Variants in TENM3 observed in about 807,000 individuals in gnomAD.
The protein encoded by TENM3 is teneurin-3.
A neutral mutation model predicts 255.1 loss-of-function variants in TENM3; 63 were observed. The ratio of observed to expected loss-of-function variants is 0.25; its 90% CI spans 0.20 to 0.30. TENM3 has a LOEUF of 0.30. Among genes scored for constraint, TENM3 ranks in the 10% least tolerant of loss-of-function variants. TENM3 has a pLI of 1.00. For synonymous variants in TENM3, 1,306 were observed against 1,322.3 expected (o/e 0.99, Z 0.27); for missense variants, 2,929 against 3,461.1 (o/e 0.85, Z 3.86).
intron 3 of TENM3, among the ~76,000 whole-genome samples, chr4:182,425,133 C>G (rs1248364355): frequency 6.6e-6 from 1 of 152,180 alleles, no homozygotes; most frequent in African/African-American, 2.4e-5. Context: ...TTCATTAACT[C>G]TTTACTTTTC....
intron 1 of TENM3, among the ~76,000 whole-genome samples, chr4:182,258,105 A>G (rs1458310471): frequency 6.6e-6 from 1 of 152,172 alleles, no homozygotes; most frequent in Non-Finnish European, 1.5e-5. Flanking sequence ...AGTGTAGAAA[A>G]TAAATACGTA....
intron 13 of TENM3, among the ~76,000 whole-genome samples, chr4:182,725,467 T>G (rs1760088250): frequency 6.6e-6 from 1 of 152,092 alleles, no homozygotes; most frequent in Non-Finnish European, 1.5e-5. Context: ...TTATATATCC[T>G]CATGAAAAAT....
Position 182,340,067 on chromosome 4 carries a change from C to A in TENM3, c.233-6584C>A, listed in dbSNP as rs897213316. Among the ~76,000 whole-genome samples the A allele has an allele frequency of 8.9e-4, 135 of 152,160 alleles. 11 individuals are homozygous for A. The highest frequency in any genetic ancestry group is 6.6e-5 in the Admixed American group (1 of 15,262). ...AACCTAATTTTTCTTATTTGGGCCA[C>A]CAAACCTTCCATTCAATATGCATAT... On this transcript the variant is annotated intron_variant, in intron 2 of 27. Coordinates refer to ENST00000511685, the MANE Select transcript of TENM3 (RefSeq NM_001080477.4).
chr4:182,532,783 A>G (rs1281361517), intron 3 of TENM3, among the ~76,000 whole-genome samples: 1 of 152,162 alleles, frequency 6.6e-6, no homozygotes, highest in Non-Finnish European at 1.5e-5. Context: ...CCCTTCCTAT[A>G]ATTGTCATTT....
chr4:182,464,197 A>C (rs1732353747), intron 3 of TENM3, among the ~76,000 whole-genome samples: 1 of 151,870 alleles, frequency 6.6e-6, no homozygotes, highest in African/African-American at 2.4e-5. Flanking sequence ...TGAACTATTC[A>C]GCTATGAGTC....
At chr4:182,129,986 A>C in the TENM3 span, among the ~76,000 whole-genome samples, 120 of 152,276 alleles carry the variant, frequency 7.9e-4, no homozygotes, top group African/African-American at 2.7e-3. Context: ...TTCTTACTGT[A>C]AAGTTTCTAA....
At chr4:182,592,980 A>C (rs1746824451) in intron 3 of TENM3, among the ~76,000 whole-genome samples, 1 of 152,214 alleles carries the variant, frequency 6.6e-6, no homozygotes, top group South Asian at 2.1e-4. Context: ...TTGAAAAGGA[A>C]CTGACAGAAT....
chr4:182,663,648 A>C (rs1165275112), intron 6 of TENM3, among the ~76,000 whole-genome samples: 2 of 152,214 alleles, frequency 1.3e-5, no homozygotes, highest in African/African-American at 4.8e-5. Context: ...TCTTATGAAT[A>C]TAAACAAAAG....
At chr4:182,254,285 C>T (rs1395997365) in intron 1 of TENM3, among the ~76,000 whole-genome samples, 2 of 151,946 alleles carry the variant, frequency 1.3e-5, no homozygotes, top group Non-Finnish European at 2.9e-5. Flanking sequence ...CCATCTTCAG[C>T]CGTTCCACCC....
the TENM3 span, among the ~76,000 whole-genome samples, chr4:182,103,634 T>G: frequency 6.6e-6 from 1 of 152,180 alleles, no homozygotes; most frequent in African/African-American, 2.4e-5. Context: ...GCAGTCCCTT[T>G]TTTCTGCTGA....
the TENM3 span, among the ~76,000 whole-genome samples, chr4:182,114,449 C>T: frequency 1.3e-5 from 2 of 150,660 alleles, no homozygotes; most frequent in Non-Finnish European, 2.9e-5. Flanking sequence ...TTATTCCAAT[C>T]GTTTTTAGGG....
rs776279001 is a variant in TENM3, at chr4:182,324,067, G to A, written c.47G>A (p.Arg16Lys). 1 of 1,613,998 alleles carries A rather than the reference G, an allele frequency of 6.2e-7. No individual in the cohort carries two copies. The highest frequency in any genetic ancestry group is 2.2e-5 in the East Asian group (1 of 44,856). The change falls in exon 2 of 28, where the codon AGA becomes AAA. Residue 16 changes from arginine (R) to lysine (K), a missense_variant. This residue lies in a region of TENM3 where 283 missense variants were observed against 256.9 expected (regional missense o/e 1.10). Transcript: ENST00000511685. ...RRPYCSLTKSRREKERRYTNS... is the reference protein window; with the variant it reads ...RRPYCSLTKSKREKERRYTNS... ...CCTTACTGCTCCCTGACCAAGAGCA[G>A]ACGAGAGAAGGAACGGCGCTACACA... is the stretch of plus-strand genomic sequence containing the variant.
chr4:182,254,669 T>C (rs1758257205), intron 1 of TENM3, among the ~76,000 whole-genome samples: 1 of 152,182 alleles, frequency 6.6e-6, no homozygotes. Context: ...GCTGGAGGAA[T>C]TTGAACGTGT....
At chr4:181,596,617 T>TA in the TENM3 span, among the ~76,000 whole-genome samples, 2 of 151,864 alleles carry the variant, frequency 1.3e-5, no homozygotes, top group African/African-American at 4.8e-5. Context: ...AAGAACTATT[T>TA]AAAAAAAATA....
chr4:181,538,650 C>A, the TENM3 span, among the ~76,000 whole-genome samples: 6 of 152,150 alleles, frequency 3.9e-5, no homozygotes, highest in Non-Finnish European at 8.8e-5. Context: ...AGAAGTGACA[C>A]CTGAGCTGTG....
intron 16 of TENM3, 41 bp downstream of exon 16, chr4:182,731,180 T>C (rs1249616524): frequency 1.3e-6 from 2 of 1,591,430 alleles, no homozygotes; most frequent in Admixed American, 1.7e-5. Context: ...ATACAAGATC[T>C]TCAGATCATG....
chr4:181,693,598 G>A, the TENM3 span, among the ~76,000 whole-genome samples: 29 of 152,236 alleles, frequency 1.9e-4, no homozygotes, highest in South Asian at 5.6e-3. Flanking sequence ...GAACCTTCAG[G>A]AGTCCTCATT....
chr4:181,601,404 C>G, the TENM3 span, among the ~76,000 whole-genome samples: 1 of 152,122 alleles, frequency 6.6e-6, no homozygotes, highest in African/African-American at 2.4e-5. Flanking sequence ...AGTCCAAGGT[C>G]AAGAAGCTGA....
chr4:181,863,114 C>T, the TENM3 span, among the ~76,000 whole-genome samples: 1 of 152,102 alleles, frequency 6.6e-6, no homozygotes, highest in Admixed American at 6.6e-5. Context: ...GCTACCTTAA[C>T]CCTAATTTAA....
Sources: gnomAD v4.1 joint callset for allele counts (sites outside exome capture counted in the v4.1 genomes callset) on GRCh38, gnomAD v4.1.1 for gene constraint, gnomAD v4.1.1 regional missense constraint, MANE v1.5 for transcripts, NCBI Gene and HGNC (gene_info 2026-07-23, HGNC 2026-07-21) for gene names.